The following FSD1L variants were observed in gnomAD, a reference collection of about 807,000 sequenced individuals.
The protein encoded by FSD1L is FSD1-like protein.
In FSD1L, 45 loss-of-function variants were observed where a neutral mutation model predicts 71.6. The observed-to-expected ratio is 0.63, with a 90% CI of 0.49 to 0.81. The LOEUF (loss-of-function observed/expected upper bound fraction) is 0.81. Ranked by LOEUF, FSD1L falls within the 30% of genes least tolerant of loss-of-function variation. The pLI, the probability that FSD1L is intolerant of heterozygous loss-of-function variation, is 0.00. For synonymous variants in FSD1L, 197 were observed against 207.2 expected, an observed-to-expected ratio of 0.95 and a Z score of 0.42; for missense variants, 561 against 618.1, an observed-to-expected ratio of 0.91 and a Z score of 0.98.
At chr9:105,453,493 TTGTG>T (rs146784407) in intron 1 of FSD1L, among the ~76,000 whole-genome samples, 1 of 150,450 alleles carries the variant, frequency 6.6e-6, no homozygotes, top group Non-Finnish European at 1.5e-5. Flanking sequence ...TATTTTTATT[TTGTG>T]TGTGTGTGTG....
chr9:105,520,287 T>G (rs1212564509), intron 10 of FSD1L: 2 of 1,546,520 alleles, frequency 1.3e-6, no homozygotes, highest in Non-Finnish European at 1.8e-6. Flanking sequence ...GCCTGAATCC[T>G]AGTTCAGAGT....
intron 7 of FSD1L, among the ~76,000 whole-genome samples, chr9:105,492,830 T>C (rs1474286443): frequency 1.3e-5 from 2 of 152,240 alleles, no homozygotes; most frequent in African/African-American, 4.8e-5. Context: ...TTCTTAATCC[T>C]GAATTCTAGT....
chr9:105,509,323 G>C (rs1834263426), intron 9 of FSD1L, among the ~76,000 whole-genome samples: 1 of 152,238 alleles, frequency 6.6e-6, no homozygotes, highest in Middle Eastern at 3.4e-3. Flanking sequence ...TCTGAGTTTT[G>C]TGCCAGCCCT....
intron 3 of FSD1L, among the ~76,000 whole-genome samples, chr9:105,465,631 A>G (rs557385625): frequency 6.6e-6 from 1 of 152,294 alleles, no homozygotes; most frequent in African/African-American, 2.4e-5. Context: ...ACACCATATT[A>G]ACAAAACTAA....
chr9:105,515,093 C>A (rs116607789), intron 10 of FSD1L, among the ~76,000 whole-genome samples: 2,393 of 152,178 alleles, frequency 0.016, 88 homozygotes, highest in African/African-American at 0.055. Flanking sequence ...AGTGGAATTG[C>A]AACTCTCTCT....
intron 6 of FSD1L, among the ~76,000 whole-genome samples, chr9:105,481,956 G>A (rs374249465): frequency 6.6e-6 from 1 of 151,962 alleles, no homozygotes. Flanking sequence ...TGTATCTTTT[G>A]TAGAGATGGG....
chr9:105,463,256 A>G lies in FSD1L; in HGVS notation c.112-980A>G, dbSNP rs147326462. On this transcript the variant is annotated intron_variant, in intron 2 of 13. Coordinates refer to ENST00000481272, the MANE Select transcript of FSD1L (RefSeq NM_001145313.3). ...TTTTTTAGGAAAACCTTTATTCCAC[A>G]AAGTCTTATAGGCTTTATTAAAATA... Among the ~76,000 whole-genome samples the G allele has an allele frequency of 5.5e-3, 839 of 152,328 alleles. 10 individuals carry two copies. The highest frequency in any genetic ancestry group is 0.02 in the African/African-American group (813 of 41,576).
At chr9:105,470,088 C>T (rs1049062493) in intron 4 of FSD1L, among the ~76,000 whole-genome samples, 2 of 152,110 alleles carry the variant, frequency 1.3e-5, no homozygotes, top group African/African-American at 4.8e-5. Flanking sequence ...AGGGTAATTT[C>T]AGGACTGTCT....
chr9:105,481,583 G>T (rs544920151), intron 6 of FSD1L, among the ~76,000 whole-genome samples: 8 of 152,036 alleles, frequency 5.3e-5, no homozygotes, highest in African/African-American at 1.7e-4. Flanking sequence ...GAGCCACTGT[G>T]CCCGGCCCTT....
chr9:105,534,658 C>A, intron 11 of FSD1L, 65 bp downstream of exon 11: 2 of 916,092 alleles, frequency 2.2e-6, no homozygotes, highest in Non-Finnish European at 3.4e-6. Context: ...CACTGGTGGA[C>A]TTTCCACTCA....
intron 7 of FSD1L, among the ~76,000 whole-genome samples, chr9:105,501,090 C>T (rs1398087969): frequency 6.6e-6 from 1 of 152,224 alleles, no homozygotes; most frequent in African/African-American, 2.4e-5. Context: ...TGCAAATCAA[C>T]TGCAGATTCT....
chr9:105,470,528 C>CT (rs1454980613), intron 4 of FSD1L, among the ~76,000 whole-genome samples: 2 of 151,544 alleles, frequency 1.3e-5, no homozygotes, highest in African/African-American at 2.4e-5. Context: ...TGGATTTTTT[C>CT]TTTTTTTTCC....
At chr9:105,472,062 GT>G in intron 5 of FSD1L, 57 bp downstream of exon 5, 2 of 1,388,994 alleles carry the variant, frequency 1.4e-6, no homozygotes, top group South Asian at 1.7e-5. Context: ...TTAAAAAGGC[GT>G]TTTTGTTTTT....
intron 7 of FSD1L, among the ~76,000 whole-genome samples, chr9:105,495,456 G>A (rs955344262): frequency 1.3e-5 from 2 of 152,206 alleles, no homozygotes; most frequent in African/African-American, 4.8e-5. Context: ...CTCTTCCCGA[G>A]TGAGGCAATG....
chr9:105,508,658 G>A lies in FSD1L; in HGVS notation c.838G>A (p.Ala280Thr), dbSNP rs1834214604. The A allele has an allele frequency of 5.2e-6, 8 of 1,551,668 alleles. No individual in the cohort carries two copies. Among genetic ancestry groups the A allele is most frequent in the Non-Finnish European group, 7.0e-6 (8 of 1,146,684 alleles). Residue 280 changes from alanine (A) to threonine (T), a missense_variant, in exon 9 of 14, where the codon GCT becomes ACT. Transcript: ENST00000481272. The stretch of plus-strand genomic sequence containing the variant: ...AAAGTATATGAATTTCAGAGTGCGA[G>A]CTTGTAACAAGGCTGTGGCTGGAGA... ...DSKYMNFRVRACNKAVAGEYS... is the reference protein window; with the variant it reads ...DSKYMNFRVRTCNKAVAGEYS...
At chr9:105,533,416 C>CTGTTTTTTTTTTT (rs1836033198) in intron 10 of FSD1L, among the ~76,000 whole-genome samples, 1 of 29,070 alleles carries the variant, frequency 3.4e-5, no homozygotes, top group African/African-American at 1.3e-4. Context: ...CCATTTCCAT[C>CTGTTTTTTTTTTT]TTTTTTTTTT....
chr9:105,496,202 C>CT (rs542818608), intron 7 of FSD1L, among the ~76,000 whole-genome samples: 14,894 of 113,210 alleles, frequency 0.13, 2,077 homozygotes, highest in Admixed American at 0.19. Context: ...ATGACTGTAG[C>CT]TTTTTTTTTT....
intron 7 of FSD1L, among the ~76,000 whole-genome samples, chr9:105,495,947 G>A (rs1311065085): frequency 1.3e-5 from 2 of 150,550 alleles, no homozygotes; most frequent in South Asian, 2.1e-4. Flanking sequence ...ACTGCAGCCT[G>A]GCAGCAGAGT....
At chr9:105,456,831 A>G (rs993097632) in intron 1 of FSD1L, among the ~76,000 whole-genome samples, 3 of 152,244 alleles carry the variant, frequency 2.0e-5, no homozygotes, top group African/African-American at 7.2e-5. Flanking sequence ...GACCTGTGTC[A>G]CCTAGAACTT....
Sources: gnomAD v4.1 joint callset for allele counts (sites outside exome capture counted in the v4.1 genomes callset) on GRCh38, gnomAD v4.1.1 for gene constraint, MANE v1.5 for transcripts, NCBI Gene and HGNC (gene_info 2026-07-23, HGNC 2026-07-21) for gene names.